The following PCDHA6 variants were observed in gnomAD, a reference collection of about 807,000 sequenced individuals.
PCDHA6 encodes protocadherin alpha-6.
Under a neutral mutation model 60.3 loss-of-function variants are expected in PCDHA6, and 55 were observed. The ratio of observed to expected loss-of-function variants is 0.91; its 90% CI spans 0.73 to 1.14. The LOEUF (loss-of-function observed/expected upper bound fraction) is 1.14, where lower values mean the gene tolerates loss of function less well. PCDHA6 is among the 50% of genes most tolerant of loss of function. The pLI, the probability that PCDHA6 is intolerant of heterozygous loss-of-function variation, is 0.00. For missense variants in PCDHA6, 1,327 were observed against 1,256.5 expected (o/e 1.06, Z -0.85); for synonymous variants, 652 against 557.9 (o/e 1.17, Z -2.38).
chr5:140,978,789 A>G (rs2153817382), intron 1 of PCDHA6, 160 bp from the exon 2 acceptor site: 22 of 974,564 alleles, frequency 2.3e-5, no homozygotes, highest in Non-Finnish European at 2.6e-5. Flanking sequence ...CTAAAGTGCT[A>G]TATATGTAGA....
In PCDHA6 at chr5:140,872,619, G is replaced by A. The variant is rs571473600; in HGVS notation, c.2394+42134G>A. On this transcript the variant is annotated intron_variant, in intron 1 of 3. Transcript: ENST00000529310. ...TCTGAAAAAATAATTTTTTTTGCCT[G>A]TTCTTGATTTTGTTCCATGAAAAGG... Among the ~76,000 whole-genome samples, 128 of 152,108 alleles carry A rather than the reference G, an allele frequency of 8.4e-4. 1 individual carries two copies. The highest frequency in any genetic ancestry group is 3.4e-3 in the Middle Eastern group (1 of 294).
chr5:140,953,002 T>C (rs1019745922), intron 1 of PCDHA6, among the ~76,000 whole-genome samples: 5 of 152,142 alleles, frequency 3.3e-5, no homozygotes, highest in African/African-American at 1.2e-4. Flanking sequence ...ACTCTCTCAC[T>C]ATTATGAGAA....
Position 140,850,129 on chromosome 5 carries a change from TG to T in PCDHA6, c.2394+19647del, listed in dbSNP as rs2150469009. On this transcript the variant is annotated intron_variant, in intron 1 of 3. Coordinates refer to ENST00000529310, the MANE Select transcript of PCDHA6 (RefSeq NM_018909.4). Reference sequence around the variant, plus strand: ...GCGCGCGACGCGGGCGTGCCGCCTCTGGGCAGCAACGTGACGCTGCAGGTGT... The same window carrying T: ...GCGCGCGACGCGGGCGTGCCGCCTCTGGCAGCAACGTGACGCTGCAGGTGT... 23 of 1,595,784 alleles carry T rather than the reference TG, an allele frequency of 1.4e-5. 1 individual carries two copies. The South Asian group carries it at 2.4e-4, about 17-fold the overall frequency.
chr5:140,920,640 T>C (rs1554199754), intron 1 of PCDHA6, among the ~76,000 whole-genome samples: 1 of 152,038 alleles, frequency 6.6e-6, no homozygotes, highest in African/African-American at 2.4e-5. Context: ...GGTCAAGAGA[T>C]TGAGACCATC....
chr5:140,887,326 G>A (rs1344500973), intron 1 of PCDHA6, among the ~76,000 whole-genome samples: 7 of 152,230 alleles, frequency 4.6e-5, no homozygotes, highest in South Asian at 2.1e-4. Context: ...TCGAACTCCT[G>A]ACCTCGTGAT....
At chr5:140,982,097 C>A (rs1313290841) in intron 2 of PCDHA6, among the ~76,000 whole-genome samples, 1 of 152,194 alleles carries the variant, frequency 6.6e-6, no homozygotes, top group Non-Finnish European at 1.5e-5. Flanking sequence ...AACAAGAGAA[C>A]CTGCAAGAGA....
chr5:140,918,833 G>A (rs2078883719), intron 1 of PCDHA6, among the ~76,000 whole-genome samples: 1 of 152,084 alleles, frequency 6.6e-6, no homozygotes, highest in African/African-American at 2.4e-5. Context: ...CCCCTCCCCA[G>A]ACACTAAATC....
rs1184449073 is a variant in PCDHA6, at chr5:140,842,588, T to C, written c.2394+12103T>C. ...CCGCGAGAGAGTGTCGGCCTATGAG[T>C]TGGTGGTAACCGCGCGGGACGGGGG... is the stretch of plus-strand genomic sequence containing the variant. On this transcript the variant is annotated intron_variant, in intron 1 of 3. Coordinates refer to ENST00000529310, the MANE Select transcript of PCDHA6 (RefSeq NM_018909.4). The C allele has an allele frequency of 1.2e-5, 19 of 1,595,896 alleles. 2 individuals carry two copies. Among genetic ancestry groups the C allele is most frequent in the Non-Finnish European group, 1.5e-5 (18 of 1,165,700 alleles).
intron 1 of PCDHA6, among the ~76,000 whole-genome samples, chr5:140,840,888 C>T (rs1776926383): frequency 1.3e-5 from 2 of 151,946 alleles, no homozygotes; most frequent in South Asian, 4.2e-4. Flanking sequence ...TTTCTGATAT[C>T]CATGACATAC....
chr5:140,853,840 A>G, intron 1 of PCDHA6: 1 of 986,846 alleles, frequency 1.0e-6, no homozygotes, highest in Non-Finnish European at 1.2e-6. Flanking sequence ...GAAATTTTAG[A>G]TCCATAGCCC....
chr5:140,939,863 G>C (rs2092478768), intron 1 of PCDHA6, among the ~76,000 whole-genome samples: 1 of 152,064 alleles, frequency 6.6e-6, no homozygotes, highest in Non-Finnish European at 1.5e-5. Flanking sequence ...ATGTCCATTA[G>C]GTCATCTTTG....
At position 141,010,411 on chromosome 5, in the gene PCDHA6, G is replaced by A. The variant is rs1215041869; in HGVS notation, c.*474G>A. On this transcript the variant is annotated 3_prime_UTR_variant, in exon 4 of 4. Coordinates refer to ENST00000529310, the MANE Select transcript of PCDHA6 (RefSeq NM_018909.4). Reference sequence around the variant, plus strand: ...TGAGACGAGCCAGCTTAGACTAATTGGTACAAGGAAGGCAAGAAAACAAAG... The same window carrying A: ...TGAGACGAGCCAGCTTAGACTAATTAGTACAAGGAAGGCAAGAAAACAAAG... The A allele has an allele frequency of 8.2e-7, 1 of 1,224,354 alleles. No individual in the cohort carries two copies. Among genetic ancestry groups the A allele is most frequent in the Admixed American group, 2.9e-5 (1 of 35,038 alleles). 75.8% of individuals were successfully genotyped at this position (1,224,354 alleles called of 1,614,324 possible).
chr5:140,828,962 G>A lies in PCDHA6; in HGVS notation c.871G>A (p.Asp291Asn). The A allele has an allele frequency of 6.2e-7, 1 of 1,614,220 alleles. No homozygotes were observed. Among genetic ancestry groups the A allele is most frequent in the Non-Finnish European group, 8.5e-7 (1 of 1,180,042 alleles). ...TAGCCTTGTTGCAGCCATGGTTATT[G>A]ACCACTTTAGCATAGATCGAAATAC... ...FNSLVAAMVI[D>N]HFSIDRNTGE... Residue 291 changes from aspartate to asparagine, a missense_variant, in exon 1 of 4, where the codon GAC becomes AAC. By Grantham distance (23) the Asp-to-Asn change is conservative. Transcript: ENST00000529310.
At chr5:140,942,139 A>C (rs1211983428) in intron 1 of PCDHA6, among the ~76,000 whole-genome samples, 1 of 152,248 alleles carries the variant, frequency 6.6e-6, no homozygotes, top group Non-Finnish European at 1.5e-5. Context: ...TTGTGGCTTT[A>C]CTTGACATAA....
chr5:140,960,031 G>A (rs1331929817), intron 1 of PCDHA6, among the ~76,000 whole-genome samples: 4 of 152,220 alleles, frequency 2.6e-5, no homozygotes, highest in African/African-American at 7.2e-5. Flanking sequence ...TGTTAAGTCC[G>A]GCTGTTTATT....
At chr5:140,887,254 G>A (rs924715341) in intron 1 of PCDHA6, among the ~76,000 whole-genome samples, 4 of 151,790 alleles carry the variant, frequency 2.6e-5, no homozygotes, top group Admixed American at 2.0e-4. Context: ...CCGCCACCAC[G>A]CCCTGCTAAT....
At chr5:140,845,460 T>C (rs1432281352) in intron 1 of PCDHA6, among the ~76,000 whole-genome samples, 1 of 149,744 alleles carries the variant, frequency 6.7e-6, no homozygotes, top group Non-Finnish European at 1.5e-5. Context: ...AACTCTCTGA[T>C]ATTTGAATTT....
intron 1 of PCDHA6, among the ~76,000 whole-genome samples, chr5:140,937,761 A>C (rs868923892): frequency 6.6e-6 from 1 of 151,650 alleles, no homozygotes; most frequent in Non-Finnish European, 1.5e-5. Flanking sequence ...AAATACAAAA[A>C]ATTAGTCGGG....
intron 1 of PCDHA6, chr5:140,871,069 C>G: frequency 6.2e-7 from 1 of 1,613,228 alleles, no homozygotes; most frequent in East Asian, 2.2e-5. Context: ...TCACGGTGAG[C>G]CGGCGCTGAC....
Sources: gnomAD v4.1 joint callset for allele counts (sites outside exome capture counted in the v4.1 genomes callset) on GRCh38, gnomAD v4.1.1 for gene constraint, MANE v1.5 for transcripts, NCBI Gene and HGNC (gene_info 2026-07-23, HGNC 2026-07-21) for gene names.